The following ZNF527 variants were observed in gnomAD, a reference collection of about 807,000 sequenced individuals.
The protein encoded by ZNF527 is zinc finger protein 527.
In ZNF527, 5 loss-of-function variants were observed where a neutral mutation model predicts 13.5. The observed-to-expected ratio is 0.37, with a 90% CI of 0.19 to 0.78. The LOEUF (loss-of-function observed/expected upper bound fraction) is 0.78. Among genes scored for constraint, ZNF527 ranks in the 30% least tolerant of loss-of-function variants. The pLI, the probability that ZNF527 is intolerant of heterozygous loss-of-function variation, is 0.48. For missense variants in ZNF527, 628 were observed against 726.4 expected (o/e 0.86, Z 1.56); for synonymous variants, 209 against 243.1 (o/e 0.86, Z 1.30).
intron 4 of ZNF527, among the ~76,000 whole-genome samples, chr19:37,386,628 GC>G (rs2040702262): frequency 6.6e-6 from 1 of 152,176 alleles, no homozygotes. Flanking sequence ...GGATAGCACA[GC>G]TCTATACAGT....
chr19:37,389,383 G>A lies in ZNF527; in HGVS notation c.1334G>A (p.Ser445Asn). The A allele has an allele frequency of 6.2e-7, 1 of 1,614,040 alleles. No individual in the cohort carries two copies. The highest frequency in any genetic ancestry group is 8.5e-7 in the Non-Finnish European group (1 of 1,180,006). The change falls in exon 5 of 5, where the codon AGT (serine) becomes AAT (asparagine). Residue 445 changes from serine (S) to asparagine (N), a missense_variant. Around this residue, in one of 3 missense-constraint regions of ZNF527, gnomAD observed 592 missense variants for 678.0 expected, o/e 0.87. Coordinates refer to ENST00000436120, the MANE Select transcript of ZNF527 (RefSeq NM_032453.2). ...ACAGGAGAGAAACCCTTCAAATGTA[G>A]TGAATGTGGGAAGACCTTTGGCTAT... ...IHTGEKPFKC[S>N]ECGKTFGYRS... is the part of the protein sequence containing the mutation.
Position 37,391,166 on chromosome 19 carries a change from T to A in ZNF527, c.*1287T>A, listed in dbSNP as rs1298767060. On this transcript the variant is annotated 3_prime_UTR_variant, in exon 5 of 5. Transcript: ENST00000436120. ...CATTTGTTTAATGAATGGCTCTTCA[T>A]CTTCAAGGAATTACTTGATTTTCTT... is the stretch of plus-strand genomic sequence containing the variant. 6.6e-6 allele frequency: 1 copy of A among 152,246 alleles called. No individual in the cohort carries two copies. Among genetic ancestry groups the A allele is most frequent in the African/African-American group, 2.4e-5 (1 of 41,466 alleles). The allele number at this position is 152,246 out of a possible 1,614,324, so 9.4% of individuals were successfully genotyped here.
intron 3 of ZNF527, 190 bp downstream of exon 3, chr19:37,379,436 C>A: frequency 8.4e-5 from 32 of 382,384 alleles, no homozygotes; most frequent in Non-Finnish European, 1.2e-4. Flanking sequence ...TTTTGGCAGA[C>A]ATTCTGAACA....
chr19:37,375,307 TTTCTTTTC>T (rs1401744341), intron 2 of ZNF527, among the ~76,000 whole-genome samples: 2,095 of 108,318 alleles, frequency 0.019, 16 homozygotes, highest in Non-Finnish European at 0.021. Context: ...TCTTTCTTTC[TTTCTTTTC>T]TTTCTTTCTT....
At chr19:37,371,644 G>A (rs1345382951) in intron 1 of ZNF527, among the ~76,000 whole-genome samples, 1 of 152,184 alleles carries the variant, frequency 6.6e-6, no homozygotes, top group Non-Finnish European at 1.5e-5. Flanking sequence ...GTGTGATTGT[G>A]CGACTATGAC....
In ZNF527 at chr19:37,389,950, TG is replaced by T; in HGVS notation, c.*73del. The T allele has an allele frequency of 6.7e-7, 1 of 1,491,836 alleles. No homozygotes were observed. Among genetic ancestry groups the T allele is most frequent in the African/African-American group, 1.4e-5 (1 of 71,528 alleles). 92.4% of individuals were successfully genotyped at this position (1,491,836 alleles called of 1,614,324 possible). A position where few individuals can be genotyped will look rare whatever the true frequency, so the allele number is the denominator to read the frequency against. Reference sequence around the variant, plus strand: ...TTATTAAATATTAGTGAGTTCTTTTTGGTTAGTAATTCTTTGAATGTAGTTC... The same window carrying T: ...TTATTAAATATTAGTGAGTTCTTTTTGTTAGTAATTCTTTGAATGTAGTTC... On this transcript the variant is annotated 3_prime_UTR_variant, in exon 5 of 5. Transcript: ENST00000436120.
At chr19:37,378,216 C>T (rs577875849) in intron 2 of ZNF527, among the ~76,000 whole-genome samples, 32 of 152,028 alleles carry the variant, frequency 2.1e-4, no homozygotes, top group Admixed American at 5.2e-4. Context: ...TTAGTAGAGA[C>T]GGAGTGTCAC....
Position 37,389,627 on chromosome 19 carries a change from T to C in ZNF527, c.1578T>C (p.Tyr526=), listed in dbSNP as rs747400906. ...GAAGTCATGCAGGAGAGAAACCCTA[T>C]GAATGTAACAAATGTGGAAAGGCCT... ...HKRSHAGEKP[Y]ECNKCGKAFS... Residue 526 remains tyrosine (Y), a synonymous_variant, in exon 5 of 5, where the codon TAT becomes TAC. Transcript: ENST00000436120. 7 of 1,614,106 alleles carry C rather than the reference T, an allele frequency of 4.3e-6. No individual in the cohort carries two copies. Among genetic ancestry groups the C allele is most frequent in the Non-Finnish European group, 5.1e-6 (6 of 1,180,022 alleles).
At position 37,388,792 on chromosome 19, in the gene ZNF527, G is replaced by T. The variant is rs776854830; in HGVS notation, c.743G>T (p.Ser248Ile). 21 of 1,612,850 alleles carry T rather than the reference G, an allele frequency of 1.3e-5. No individual in the cohort carries two copies. The Admixed American group carries it at 3.5e-4, about 27-fold the overall frequency. Residue 248 changes from serine to isoleucine, a missense_variant, in exon 5 of 5, where the codon AGT becomes ATT. This residue lies in a region of ZNF527 where 592 missense variants were observed against 678.0 expected (regional missense o/e 0.87). Coordinates refer to ENST00000436120, the MANE Select transcript of ZNF527 (RefSeq NM_032453.2). ...GIPPGEKPYE[S>I]HDFSKLLSFH... ...CCTCCTGGGGAGAAACCTTATGAAA[G>T]TCATGATTTTTCAAAGCTCTTAAGT...
intron 2 of ZNF527, among the ~76,000 whole-genome samples, chr19:37,378,158 G>T (rs1199581190): frequency 6.6e-6 from 1 of 151,796 alleles, no homozygotes; most frequent in African/African-American, 2.4e-5. Flanking sequence ...CTCCCGAGTA[G>T]TTGGGACTAC....
chr19:37,387,449 G>A lies in ZNF527; in HGVS notation c.257-857G>A, dbSNP rs186983912. Among the ~76,000 whole-genome samples the A allele has an allele frequency of 7.3e-3, 1,104 of 152,246 alleles. 5 individuals are homozygous for A. Among genetic ancestry groups the A allele is most frequent in the Non-Finnish European group, 9.1e-3 (618 of 68,020 alleles). ...TCACCTGCACAGGCTTGAGCTCTCA[G>A]AATTTACAAAAGGTAGAAAGACCTT... On this transcript the variant is annotated intron_variant, in intron 4 of 4. Coordinates refer to ENST00000436120, the MANE Select transcript of ZNF527 (RefSeq NM_032453.2).
intron 4 of ZNF527, among the ~76,000 whole-genome samples, chr19:37,383,619 A>G (rs1270404400): frequency 6.6e-6 from 1 of 151,146 alleles, no homozygotes; most frequent in Non-Finnish European, 1.5e-5. Context: ...GCTCACTGCA[A>G]TCTCCACCTC....
chr19:37,384,421 C>T (rs2040680994), intron 4 of ZNF527, among the ~76,000 whole-genome samples: 1 of 151,958 alleles, frequency 6.6e-6, no homozygotes, highest in Middle Eastern at 3.2e-3. Flanking sequence ...TCACTTAAGC[C>T]TCGGAGGTCA....
chr19:37,383,518 GTGAGCTA>G (rs2040671978), intron 4 of ZNF527, among the ~76,000 whole-genome samples: 1 of 151,050 alleles, frequency 6.6e-6, no homozygotes. Flanking sequence ...TTATACAGGT[GTGAGCTA>G]CCACACCCAG....
At chr19:37,375,348 CCTTT>C (rs2040598426) in intron 2 of ZNF527, among the ~76,000 whole-genome samples, 1 of 99,656 alleles carries the variant, frequency 1.0e-5, no homozygotes, top group African/African-American at 4.0e-5. Flanking sequence ...TCCTTTCTTT[CCTTT>C]CTTTCTTTTC....
intron 2 of ZNF527, among the ~76,000 whole-genome samples, chr19:37,375,038 T>A (rs939624154): frequency 6.6e-6 from 1 of 152,080 alleles, no homozygotes; most frequent in Non-Finnish European, 1.5e-5. Context: ...GAGGAAGAAG[T>A]CAGGATGCCT....
At chr19:37,378,687 T>G (rs1272354101) in intron 2 of ZNF527, among the ~76,000 whole-genome samples, 2 of 152,216 alleles carry the variant, frequency 1.3e-5, no homozygotes, top group African/African-American at 2.4e-5. Context: ...TCAGGATATG[T>G]TCCTGGACGT....
At chr19:37,383,493 C>T (rs182461951) in intron 4 of ZNF527, among the ~76,000 whole-genome samples, 13 of 152,036 alleles carry the variant, frequency 8.6e-5, no homozygotes, top group Non-Finnish European at 1.9e-4. Context: ...TTCTTGGCCT[C>T]CCAATGTGCT....
At chr19:37,378,307 CG>C (rs2040624458) in intron 2 of ZNF527, among the ~76,000 whole-genome samples, 1 of 152,016 alleles carries the variant, frequency 6.6e-6, no homozygotes, top group Non-Finnish European at 1.5e-5. Context: ...GGATTACAGG[CG>C]TGAACCACTG....
Sources: allele counts gnomAD v4.1 joint callset (sites outside exome capture counted in the v4.1 genomes callset), GRCh38; gene constraint gnomAD v4.1.1; regional missense constraint gnomAD v4.1.1; transcripts MANE v1.5; gene names NCBI Gene and HGNC (gene_info 2026-07-23, HGNC 2026-07-21).